Variants in KHDRBS2 observed in about 807,000 individuals in gnomAD.
KHDRBS2 encodes KH RNA binding domain containing, signal transduction associated 2, also known as KH domain-containing, RNA-binding, signal transduction-associated protein 2.
Under a neutral mutation model 44.3 loss-of-function variants are expected in KHDRBS2, and 26 were observed. That is an observed-to-expected ratio of 0.59 (90% CI 0.43 to 0.81). KHDRBS2 has a LOEUF of 0.81. Ranked by LOEUF, KHDRBS2 falls within the 40% of genes least tolerant of loss-of-function variation. The pLI is 0.00. For missense variants in KHDRBS2, 476 were observed against 433.1 expected (o/e 1.10, Z -0.88); for synonymous variants, 194 against 151.1 (o/e 1.28, Z -2.08).
chr6:61,795,159 A>T (rs1263486873), intron 6 of KHDRBS2, among the ~76,000 whole-genome samples: 6 of 151,434 alleles, frequency 4.0e-5, no homozygotes, highest in Admixed American at 3.3e-4. Flanking sequence ...AAAAAAAAAA[A>T]AAAAAAAAAA....
chr6:62,176,469 T>C (rs529728557), intron 2 of KHDRBS2, among the ~76,000 whole-genome samples: 31 of 151,342 alleles, frequency 2.0e-4, no homozygotes, highest in Non-Finnish European at 2.2e-4. Context: ...TACATGGTCC[T>C]TGCTTCACAT....
At chr6:61,609,491 G>C in the KHDRBS2 span, among the ~76,000 whole-genome samples, 2 of 152,130 alleles carry the variant, frequency 1.3e-5, no homozygotes, top group African/African-American at 4.8e-5. Context: ...ATTGCTTCTA[G>C]TGCATATAAT....
intron 1 of KHDRBS2, among the ~76,000 whole-genome samples, chr6:62,204,040 T>A (rs151259047): frequency 6.6e-6 from 1 of 152,156 alleles, no homozygotes; most frequent in Non-Finnish European, 1.5e-5. Flanking sequence ...ACATCCCAGC[T>A]CCCCATCCCC....
chr6:61,619,883 T>C, the KHDRBS2 span, among the ~76,000 whole-genome samples: 1 of 152,228 alleles, frequency 6.6e-6, no homozygotes, highest in Non-Finnish European at 1.5e-5. Context: ...TATAAACATA[T>C]ATATGCAAGT....
intron 6 of KHDRBS2, chr6:61,816,700 T>C: frequency 2.4e-6 from 1 of 413,308 alleles, no homozygotes. Flanking sequence ...GACAGACTCA[T>C]TTATTCTTAA....
At chr6:61,565,998 G>GGTGTGTGT in the KHDRBS2 span, among the ~76,000 whole-genome samples, 6 of 148,968 alleles carry the variant, frequency 4.0e-5, no homozygotes, top group African/African-American at 7.4e-5. Context: ...AAGAAAATGT[G>GGTGTGTGT]GTGTGTGTGT....
chr6:61,908,393 G>T (rs1413422778), intron 4 of KHDRBS2, among the ~76,000 whole-genome samples: 2 of 151,996 alleles, frequency 1.3e-5, no homozygotes, highest in Non-Finnish European at 2.9e-5. Context: ...CCAGCACTTT[G>T]GGAGGCCGAG....
chr6:62,106,853 C>T (rs1367912925), intron 2 of KHDRBS2, among the ~76,000 whole-genome samples: 1 of 151,972 alleles, frequency 6.6e-6, no homozygotes, highest in African/African-American at 2.4e-5. Flanking sequence ...ACATGATTAT[C>T]TCAATAGATG....
intron 2 of KHDRBS2, among the ~76,000 whole-genome samples, chr6:62,146,654 A>T (rs1814010903): frequency 6.6e-6 from 1 of 151,800 alleles, no homozygotes; most frequent in African/African-American, 2.4e-5. Flanking sequence ...ATTTTTTTAA[A>T]TAAAAATAAA....
chr6:62,268,511 G>C (rs994612785), intron 1 of KHDRBS2, among the ~76,000 whole-genome samples: 2 of 152,076 alleles, frequency 1.3e-5, no homozygotes, highest in Non-Finnish European at 2.9e-5. Context: ...CGTGGATGCA[G>C]ATGTAGGTCT....
chr6:61,844,976 G>GT (rs1794167497), intron 6 of KHDRBS2, among the ~76,000 whole-genome samples: 1 of 152,064 alleles, frequency 6.6e-6, no homozygotes, highest in South Asian at 2.1e-4. Context: ...GCTTTATATT[G>GT]TTTTTGCTGC....
chr6:61,912,694 T>C (rs190471616), intron 4 of KHDRBS2, among the ~76,000 whole-genome samples: 98 of 152,178 alleles, frequency 6.4e-4, no homozygotes, highest in Non-Finnish European at 9.9e-4. Flanking sequence ...TCTATATAGC[T>C]CTCTGCAAGA....
At chr6:61,621,411 A>AC in the KHDRBS2 span, among the ~76,000 whole-genome samples, 1 of 152,194 alleles carries the variant, frequency 6.6e-6, no homozygotes, top group East Asian at 1.9e-4. Context: ...TAGACATGAA[A>AC]CCAGAGGACT....
At chr6:61,661,232 C>T in the KHDRBS2 span, 1 of 151,844 alleles carries the variant, frequency 6.6e-6, no homozygotes, top group African/African-American at 2.4e-5. Context: ...CTGTACCTGT[C>T]TTGTAAGCAG....
At chr6:61,662,199 A>G in the KHDRBS2 span, among the ~76,000 whole-genome samples, 1 of 152,160 alleles carries the variant, frequency 6.6e-6, no homozygotes, top group African/African-American at 2.4e-5. Context: ...AGCCATATGT[A>G]GAAAGCTGAA....
the KHDRBS2 span, among the ~76,000 whole-genome samples, chr6:61,656,921 A>G: frequency 6.6e-6 from 1 of 151,972 alleles, no homozygotes; most frequent in Non-Finnish European, 1.5e-5. Context: ...TTATTTAATC[A>G]TTGCTTATAA....
chr6:61,965,663 T>C (rs556430131), intron 4 of KHDRBS2, among the ~76,000 whole-genome samples: 95 of 151,944 alleles, frequency 6.3e-4, no homozygotes, highest in Middle Eastern at 3.4e-3. Context: ...TTATTTTTAA[T>C]TTCCAAAGAA....
chr6:61,874,345 G>A (rs1799095392), intron 6 of KHDRBS2, among the ~76,000 whole-genome samples: 1 of 152,054 alleles, frequency 6.6e-6, no homozygotes, highest in Non-Finnish European at 1.5e-5. Context: ...TGTCAACATA[G>A]TATAAGAATT....
chr6:62,283,216 ACAAT>A (rs1330430439), intron 1 of KHDRBS2, among the ~76,000 whole-genome samples: 2 of 152,250 alleles, frequency 1.3e-5, no homozygotes, highest in African/African-American at 4.8e-5. Context: ...CTTCTGAGTA[ACAAT>A]CAACTGAAAT....
Sources: gnomAD v4.1 joint callset for allele counts (sites outside exome capture counted in the v4.1 genomes callset) on GRCh38, gnomAD v4.1.1 for gene constraint, MANE v1.5 for transcripts, NCBI Gene and HGNC (gene_info 2026-07-23, HGNC 2026-07-21) for gene names.